Variants in LYPD6B observed in about 807,000 individuals in gnomAD.
LYPD6B encodes ly6/PLAUR domain-containing protein 6B.
A neutral mutation model predicts 22.8 loss-of-function variants in LYPD6B; 17 were observed. The ratio of observed to expected loss-of-function variants is 0.75; its 90% CI spans 0.51 to 1.12. The LOEUF (loss-of-function observed/expected upper bound fraction) is 1.12. Among genes scored for constraint, LYPD6B ranks in the 50% most tolerant of loss-of-function variants. LYPD6B has a pLI of 0.00. For synonymous variants in LYPD6B, 106 were observed against 91.6 expected (o/e 1.16, Z -0.90); for missense variants, 221 against 258.3 (o/e 0.86, Z 0.99).
intron 1 of LYPD6B, among the ~76,000 whole-genome samples, chr2:149,100,642 C>A (rs1686157689): frequency 6.6e-6 from 1 of 152,114 alleles, no homozygotes; most frequent in African/African-American, 2.4e-5. Context: ...TGTGCTTGGA[C>A]AAGGTTAGTT....
intron 3 of LYPD6B, among the ~76,000 whole-genome samples, chr2:149,169,093 G>T (rs1224651457): frequency 2.0e-5 from 3 of 152,090 alleles, no homozygotes. Flanking sequence ...CTATGGAAAT[G>T]GTAAGGAGAT....
At chr2:149,210,143 C>T (rs1242116998) in intron 5 of LYPD6B, among the ~76,000 whole-genome samples, 3 of 152,150 alleles carry the variant, frequency 2.0e-5, no homozygotes, top group Admixed American at 6.5e-5. Flanking sequence ...AACACTGCTC[C>T]TTCTAGGTCT....
intron 1 of LYPD6B, among the ~76,000 whole-genome samples, chr2:149,052,761 T>G (rs1390830902): frequency 6.6e-6 from 1 of 152,232 alleles, no homozygotes; most frequent in African/African-American, 2.4e-5. Flanking sequence ...GTCCCCTTCT[T>G]CCCTGTTTTA....
chr2:149,088,209 C>G (rs377291651), intron 1 of LYPD6B, among the ~76,000 whole-genome samples: 36 of 152,138 alleles, frequency 2.4e-4, no homozygotes, highest in African/African-American at 8.7e-4. Context: ...CTTCTAGAAC[C>G]TTCTAAGACA....
intron 3 of LYPD6B, among the ~76,000 whole-genome samples, chr2:149,181,957 C>A (rs751521885): frequency 3.9e-5 from 6 of 152,182 alleles, no homozygotes; most frequent in Non-Finnish European, 7.3e-5. Context: ...GGAGAGAGCA[C>A]CATGGCTGCC....
chr2:149,051,236 G>T (rs1216290385), intron 1 of LYPD6B, among the ~76,000 whole-genome samples: 1 of 151,912 alleles, frequency 6.6e-6, no homozygotes, highest in Non-Finnish European at 1.5e-5. Flanking sequence ...CACGAACTTG[G>T]CTCACTGTAA....
chr2:149,100,593 T>C (rs1686155444), intron 1 of LYPD6B, among the ~76,000 whole-genome samples: 1 of 152,120 alleles, frequency 6.6e-6, no homozygotes, highest in African/African-American at 2.4e-5. Context: ...GAGGACCTTT[T>C]AGATTTACCT....
intron 1 of LYPD6B, among the ~76,000 whole-genome samples, chr2:149,052,825 A>G (rs1380080281): frequency 3.9e-5 from 6 of 152,212 alleles, no homozygotes; most frequent in Admixed American, 6.5e-5. Context: ...TATTCTAAAC[A>G]TTTATGTTTA....
At chr2:149,087,072 A>T (rs1685435881) in intron 1 of LYPD6B, among the ~76,000 whole-genome samples, 1 of 152,066 alleles carries the variant, frequency 6.6e-6, no homozygotes, top group Non-Finnish European at 1.5e-5. Flanking sequence ...GGGTATTAGG[A>T]CTTCAACATG....
chr2:149,120,186 T>G (rs547529887), intron 1 of LYPD6B, among the ~76,000 whole-genome samples: 25 of 151,628 alleles, frequency 1.6e-4, no homozygotes, highest in Non-Finnish European at 2.8e-4. Flanking sequence ...TGTTTCATTT[T>G]TAAGGATATT....
intron 1 of LYPD6B, among the ~76,000 whole-genome samples, chr2:149,073,603 T>C (rs913964254): frequency 6.6e-6 from 1 of 152,114 alleles, no homozygotes; most frequent in East Asian, 1.9e-4. Flanking sequence ...GTTGTGCTGC[T>C]GAGGCCCCCT....
intron 1 of LYPD6B, among the ~76,000 whole-genome samples, chr2:149,046,368 G>A (rs78766730): frequency 0.01 from 1,522 of 152,184 alleles, 21 homozygotes; most frequent in African/African-American, 0.033. Flanking sequence ...GACAATATCT[G>A]TCTGTTAACT....
chr2:149,075,127 A>C (rs1471216168), intron 1 of LYPD6B, among the ~76,000 whole-genome samples: 1 of 152,222 alleles, frequency 6.6e-6, no homozygotes, highest in Non-Finnish European at 1.5e-5. Context: ...TCCAGTGAGT[A>C]TATAATTCCT....
In LYPD6B at chr2:149,054,435, A is replaced by AT. The variant is rs531037808; in HGVS notation, c.-67+15641dup. On this transcript the variant is annotated intron_variant, in intron 1 of 6. Transcript: ENST00000409642. ...TGTTTAAATACTTTGCCATTTTAAGATTTTTTTGTCTTTTTATTCTAGAGT... is the reference window on the plus strand; with the variant it reads ...TGTTTAAATACTTTGCCATTTTAAGATTTTTTTTGTCTTTTTATTCTAGAGT... 1.9e-4 allele frequency among the ~76,000 whole-genome samples: 29 copies of AT among 152,100 alleles called. No individual in the cohort carries two copies. The East Asian group carries it at 4.8e-3, about 25-fold the overall frequency.
chr2:149,184,243 G>A (rs1230896625), intron 3 of LYPD6B, among the ~76,000 whole-genome samples: 1 of 152,112 alleles, frequency 6.6e-6, no homozygotes, highest in Non-Finnish European at 1.5e-5. Flanking sequence ...AATTCCACAG[G>A]TAAATTTGGA....
In LYPD6B at chr2:149,156,373, A is replaced by T. The variant is rs1341595945; in HGVS notation, c.6-4391A>T. On this transcript the variant is annotated intron_variant, in intron 2 of 6. Transcript: ENST00000409642. Reference sequence around the variant, plus strand: ...CAGAGTGTCCCCGTGACCTTTCCAGACTTTTCCCTGGGAATCCTGGCAATC... The same window carrying T: ...CAGAGTGTCCCCGTGACCTTTCCAGTCTTTTCCCTGGGAATCCTGGCAATC... Among the ~76,000 whole-genome samples the T allele has an allele frequency of 1.3e-5, 2 of 152,172 alleles. 1 individual carries two copies. The highest frequency in any genetic ancestry group is 2.9e-5 in the Non-Finnish European group (2 of 68,030).
chr2:149,106,474 G>A (rs1305881667), intron 1 of LYPD6B, among the ~76,000 whole-genome samples: 2 of 152,032 alleles, frequency 1.3e-5, no homozygotes, highest in Middle Eastern at 3.2e-3. Flanking sequence ...GCTATTCAAA[G>A]GTTGCCAGTT....
chr2:149,100,722 T>C (rs1297936372), intron 1 of LYPD6B, among the ~76,000 whole-genome samples: 1 of 152,230 alleles, frequency 6.6e-6, no homozygotes, highest in Non-Finnish European at 1.5e-5. Context: ...TGTGGACTTG[T>C]TAAGTTGGTG....
intron 3 of LYPD6B, chr2:149,187,410 G>A (rs775057448): frequency 1.3e-6 from 2 of 1,519,544 alleles, no homozygotes; most frequent in African/African-American, 2.8e-5. Context: ...ATTGTTATAA[G>A]ATTATTATTT....
Sources: allele counts gnomAD v4.1 joint callset (sites outside exome capture counted in the v4.1 genomes callset), GRCh38; gene constraint gnomAD v4.1.1; transcripts MANE v1.5; gene names NCBI Gene and HGNC (gene_info 2026-07-23, HGNC 2026-07-21).